SUN5: variants seen among roughly 807,000 people sequenced by gnomAD.
The protein encoded by SUN5 is SUN domain-containing protein 5.
SUN5 carries 44 observed loss-of-function variants against 53.7 expected under a neutral mutation model. The ratio of observed to expected loss-of-function variants is 0.82; its 90% CI spans 0.64 to 1.05. SUN5 has a LOEUF of 1.05. Ranked by LOEUF, SUN5 falls within the 50% of genes least tolerant of loss-of-function variation. The pLI is 0.00. For synonymous variants in SUN5, 166 were observed against 179.8 expected (o/e 0.92, Z 0.62); for missense variants, 433 against 483.8 (o/e 0.90, Z 0.98).
At chr20:33,001,544 TTCTTTCTTTC>T (rs1990021781) in intron 3 of SUN5, among the ~76,000 whole-genome samples, 1 of 138,622 alleles carries the variant, frequency 7.2e-6, no homozygotes, top group Non-Finnish European at 1.5e-5. Flanking sequence ...CTTTCTTTCT[TTCTTTCTTTC>T]TTTCTTTCTT....
intron 3 of SUN5, 54 bp downstream of exon 3, chr20:33,002,533 C>A: frequency 6.3e-7 from 1 of 1,585,102 alleles, no homozygotes; most frequent in Non-Finnish European, 8.7e-7. Flanking sequence ...CGAGGCTGGA[C>A]CCTCTCCCCA....
chr20:32,989,092 A>AT (rs1295465216), intron 9 of SUN5, among the ~76,000 whole-genome samples: 3 of 151,510 alleles, frequency 2.0e-5, no homozygotes, highest in Admixed American at 2.0e-4. Flanking sequence ...CGCTCAGCTA[A>AT]TTTTTTGTAT....
intron 1 of SUN5, 82 bp from the exon 2 acceptor site, chr20:33,003,001 T>C (rs1357702656): frequency 6.6e-7 from 1 of 1,507,232 alleles, no homozygotes; most frequent in Middle Eastern, 1.9e-4. Context: ...ACGTTCCAGA[T>C]TGGGAAACTG....
chr20:32,986,813 C>A (rs1203159010), intron 10 of SUN5, among the ~76,000 whole-genome samples: 1 of 152,206 alleles, frequency 6.6e-6, no homozygotes, highest in African/African-American at 2.4e-5. Context: ...GCGTCCCCCG[C>A]CCCAGCCTGG....
At chr20:32,999,858 C>T (rs1011782359) in intron 5 of SUN5, 52 of 1,482,264 alleles carry the variant, frequency 3.5e-5, no homozygotes, top group Non-Finnish European at 4.5e-5. Context: ...GTTCATAACA[C>T]GGTTTGGGGA....
intron 3 of SUN5, 87 bp downstream of exon 3, chr20:33,002,485 TCCAGGGCAGGCATTG>T: frequency 8.0e-6 from 9 of 1,118,864 alleles, no homozygotes; most frequent in Non-Finnish European, 1.2e-5. Context: ...ACCCCTGCAG[TCCAGGGCAGGCATTG>T]CCACCCCCAG....
chr20:32,997,566 G>T (rs1472342988), intron 6 of SUN5, 72 bp downstream of exon 6: 2 of 1,540,174 alleles, frequency 1.3e-6, no homozygotes, highest in Non-Finnish European at 1.8e-6. Context: ...AATGAATGGA[G>T]CTGTGGAGGT....
intron 4 of SUN5, 119 bp from the exon 5 acceptor site, chr20:33,000,254 C>A (rs1989965772): frequency 2.5e-6 from 3 of 1,218,274 alleles, no homozygotes; most frequent in Non-Finnish European, 2.2e-6. Context: ...CTTCTTCTCT[C>A]CCTGGTAAAC....
At chr20:32,996,957 T>C (rs1476764957) in intron 6 of SUN5, among the ~76,000 whole-genome samples, 1 of 152,106 alleles carries the variant, frequency 6.6e-6, no homozygotes, top group African/African-American at 2.4e-5. Flanking sequence ...AAACTAAACA[T>C]TGCTGGGGTG....
intron 8 of SUN5, among the ~76,000 whole-genome samples, chr20:32,995,050 C>T (rs1196213781): frequency 2.6e-5 from 4 of 152,038 alleles, no homozygotes; most frequent in Non-Finnish European, 5.9e-5. Context: ...ACTCTAAAGG[C>T]TTTCAAAGCA....
Position 32,983,944 on chromosome 20 carries a change from C to T in SUN5, c.990G>A (p.Gln330=). 6.3e-7 allele frequency: 1 copy of T among 1,578,958 alleles called. No individual in the cohort carries two copies. Among genetic ancestry groups the T allele is most frequent in the Non-Finnish European group, 8.6e-7 (1 of 1,162,460 alleles). The change falls in exon 13 of 13, where the codon CAG becomes CAA. Residue 330 remains glutamine, a synonymous_variant. Coordinates refer to ENST00000356173, the MANE Select transcript of SUN5 (RefSeq NM_080675.4). ...NIIQMFPLQN[Q]PARAFSAVKV... Reference sequence around the variant, plus strand: ...TGACCGCACTGAAAGCCCGGGCCGGCTGGTTCTGGAAGAGAATCAGTCACA... The same window carrying T: ...TGACCGCACTGAAAGCCCGGGCCGGTTGGTTCTGGAAGAGAATCAGTCACA...
At chr20:32,995,030 C>T (rs982672352) in intron 8 of SUN5, among the ~76,000 whole-genome samples, 2 of 152,040 alleles carry the variant, frequency 1.3e-5, no homozygotes, top group South Asian at 4.1e-4. Flanking sequence ...GCGTAGGAAT[C>T]ACATAAAGCA....
intron 10 of SUN5, among the ~76,000 whole-genome samples, chr20:32,986,391 T>G (rs1210348060): frequency 2.0e-5 from 3 of 152,104 alleles, no homozygotes; most frequent in African/African-American, 7.2e-5. Context: ...CACCACGATC[T>G]CCTGCCCCAC....
intron 8 of SUN5, among the ~76,000 whole-genome samples, chr20:32,992,339 A>G (rs1290512241): frequency 1.3e-5 from 2 of 152,232 alleles, no homozygotes; most frequent in Middle Eastern, 3.2e-3. Context: ...GAAACTGGCC[A>G]TCCTCAAAAA....
intron 5 of SUN5, chr20:32,999,793 G>T: frequency 1.1e-6 from 1 of 911,134 alleles, no homozygotes; most frequent in South Asian, 1.7e-5. Context: ...GTTGTGCGAG[G>T]TGGGGGTGGT....
intron 3 of SUN5, among the ~76,000 whole-genome samples, chr20:33,001,606 CTTTCTTTCTTTCTTTTTCT>C (rs1414366419): frequency 1.5e-5 from 2 of 132,910 alleles, no homozygotes; most frequent in East Asian, 2.1e-4. Context: ...TCTTTCTCTC[CTTTCTTTCTTTCTTTTTCT>C]TTTCTTTCTT....
Position 32,991,583 on chromosome 20 carries a change from G to A in SUN5, c.535-1885C>T, listed in dbSNP as rs559521501. On this transcript the variant is annotated intron_variant, in intron 8 of 12. Coordinates refer to ENST00000356173, the MANE Select transcript of SUN5 (RefSeq NM_080675.4). Reference sequence around the variant, plus strand: ...TCATAGCGGGGCTTCCCTCCCCACTGCAGAGGAAACACCTGCCAAGAGCCT... The same window carrying A: ...TCATAGCGGGGCTTCCCTCCCCACTACAGAGGAAACACCTGCCAAGAGCCT... 1.7e-4 allele frequency among the ~76,000 whole-genome samples: 26 copies of A among 152,268 alleles called. 1 individual carries two copies. The highest frequency in any genetic ancestry group is 6.3e-4 in the African/African-American group (26 of 41,540).
intron 1 of SUN5, among the ~76,000 whole-genome samples, chr20:33,003,228 A>G (rs985940980): frequency 1.3e-5 from 2 of 152,158 alleles, no homozygotes; most frequent in African/African-American, 2.4e-5. Context: ...GATTGGTCGA[A>G]GCCTGCTGTC....
rs1377583463 is a variant in SUN5 at position 33,002,631 on chromosome 20, T to C, written c.167A>G (p.Asn56Ser). 3.7e-6 allele frequency: 6 copies of C among 1,614,092 alleles called. No individual in the cohort carries two copies. The highest frequency in any genetic ancestry group is 1.1e-5 in the South Asian group (1 of 91,082). Reference protein sequence around the residue: ...NDNILLPVRNNDQALGLTQCM... With the variant: ...NDNILLPVRNSDQALGLTQCM... ...CTGAGTCAGGCCTAGGGCTTGGTCATTGTTGCGGACAGGCAACAGGATGTT... is the reference window on the plus strand; with the variant it reads ...CTGAGTCAGGCCTAGGGCTTGGTCACTGTTGCGGACAGGCAACAGGATGTT... The change falls in exon 3 of 13, where the codon AAT becomes AGT. Residue 56 changes from asparagine (N) to serine (S), a missense_variant. Transcript: ENST00000356173.
Sources: allele counts gnomAD v4.1 joint callset (sites outside exome capture counted in the v4.1 genomes callset), GRCh38; gene constraint gnomAD v4.1.1; transcripts MANE v1.5; gene names NCBI Gene and HGNC (gene_info 2026-07-23, HGNC 2026-07-21).